Variants in IGF2BP2 observed in about 807,000 individuals in gnomAD.
IGF2BP2 encodes insulin-like growth factor 2 mRNA-binding protein 2.
A neutral mutation model predicts 75.8 loss-of-function variants in IGF2BP2; 17 were observed. The observed-to-expected ratio is 0.22, with a 90% confidence interval of 0.15 to 0.34. The LOEUF is 0.34. IGF2BP2 is among the 10% of genes least tolerant of loss of function. The probability of loss-of-function intolerance (pLI) is 1.00; values close to 1 mark genes in which losing one functional copy is unlikely to be tolerated. For synonymous variants in IGF2BP2, 288 were observed against 295.6 expected, an observed-to-expected ratio of 0.97 and a Z score of 0.26; for missense variants, 516 against 772.4, an observed-to-expected ratio of 0.67 and a Z score of 3.93.
chr3:185,707,392 C>T (rs1724199046), intron 2 of IGF2BP2, among the ~76,000 whole-genome samples: 2 of 134,040 alleles, frequency 1.5e-5, no homozygotes, highest in Admixed American at 1.7e-4. Flanking sequence ...ATCACAACTT[C>T]CCGCCTCCCA....
rs557362898 is a variant in IGF2BP2, at chr3:185,820,835, T to C, written c.239+2318A>G. On this transcript the variant is annotated intron_variant, in intron 2 of 15. Coordinates refer to ENST00000382199, the MANE Select transcript of IGF2BP2 (RefSeq NM_006548.6). ...GAATGATTTTTAAGTAAGCAAGCAA[T>C]GAGGATGAACTATTTTCTTCCCATT... 3.3e-5 allele frequency among the ~76,000 whole-genome samples: 5 copies of C among 152,308 alleles called. No individual in the cohort carries two copies. The South Asian group carries it at 1.0e-3, about 32-fold the overall frequency.
chr3:185,687,168 T>A lies in IGF2BP2; in HGVS notation c.701A>T (p.Asn234Ile). 1 of 1,611,912 alleles carries A rather than the reference T, an allele frequency of 6.2e-7. No individual in the cohort carries two copies. Among genetic ancestry groups the A allele is most frequent in the Non-Finnish European group, 8.5e-7 (1 of 1,179,524 alleles). The part of the protein sequence containing the change: ...QSRVDIHRKE[N>I]SGAAEKPVTI... ...GACAGGCTTCTCTGCAGCTCCAGAG[T>A]TCTCTTTTCTATGGATATCTACCCT... The change falls in exon 7 of 16, where the codon AAC (asparagine) becomes ATC (isoleucine). Residue 234 changes from asparagine (N) to isoleucine (I), a missense_variant. By Grantham distance (149) the Asn-to-Ile change is moderately radical. Coordinates refer to ENST00000382199, the MANE Select transcript of IGF2BP2 (RefSeq NM_006548.6).
At chr3:185,760,394 T>C (rs1732199026) in intron 2 of IGF2BP2, among the ~76,000 whole-genome samples, 1 of 152,210 alleles carries the variant, frequency 6.6e-6, no homozygotes, top group Admixed American at 6.5e-5. Context: ...TTTATTGAGA[T>C]GTAATTCACA....
intron 2 of IGF2BP2, among the ~76,000 whole-genome samples, chr3:185,760,572 CT>C (rs1161141135): frequency 6.6e-6 from 1 of 152,238 alleles, no homozygotes; most frequent in African/African-American, 2.4e-5. Context: ...TTCCCGGCCC[CT>C]GGCAACCACC....
At chr3:185,733,187 C>T (rs1001655609) in intron 2 of IGF2BP2, among the ~76,000 whole-genome samples, 1 of 152,178 alleles carries the variant, frequency 6.6e-6, no homozygotes, top group Non-Finnish European at 1.5e-5. Flanking sequence ...ATCATCTATT[C>T]TCATTCTTAT....
At chr3:185,670,480 A>G (rs1718343898) in intron 10 of IGF2BP2, among the ~76,000 whole-genome samples, 1 of 152,184 alleles carries the variant, frequency 6.6e-6, no homozygotes, top group African/African-American at 2.4e-5. Context: ...GTCCCCTAAA[A>G]AACTTTATTA....
chr3:185,658,720 A>G (rs1294561403), intron 10 of IGF2BP2, among the ~76,000 whole-genome samples: 1 of 152,156 alleles, frequency 6.6e-6, no homozygotes, highest in African/African-American at 2.4e-5. Context: ...ATACACACAT[A>G]CACCCACTGG....
intron 10 of IGF2BP2, among the ~76,000 whole-genome samples, chr3:185,670,620 G>C (rs1718363943): frequency 6.6e-6 from 1 of 152,134 alleles, no homozygotes; most frequent in Non-Finnish European, 1.5e-5. Flanking sequence ...CCAGGCTGGA[G>C]TGCAGTGCCA....
chr3:185,800,994 G>A (rs551443520), intron 2 of IGF2BP2, among the ~76,000 whole-genome samples: 3 of 148,160 alleles, frequency 2.0e-5, no homozygotes, highest in African/African-American at 7.4e-5. Flanking sequence ...AATCTACAAG[G>A]AACTTAAACA....
chr3:185,715,452 G>A (rs1022431708), intron 2 of IGF2BP2, among the ~76,000 whole-genome samples: 1 of 152,168 alleles, frequency 6.6e-6, no homozygotes, highest in Non-Finnish European at 1.5e-5. Context: ...CCGGGAGGCA[G>A]GTAAGCACAG....
At chr3:185,800,474 C>T (rs1409479058) in intron 2 of IGF2BP2, among the ~76,000 whole-genome samples, 1 of 152,124 alleles carries the variant, frequency 6.6e-6, no homozygotes, top group Non-Finnish European at 1.5e-5. Context: ...TGTCGTGGCT[C>T]ACACCTGTAA....
chr3:185,687,292 C>G, intron 6 of IGF2BP2, 101 bp from the exon 7 acceptor site: 1 of 1,268,632 alleles, frequency 7.9e-7, no homozygotes, highest in Non-Finnish European at 1.1e-6. Flanking sequence ...AGGACACAGA[C>G]AGACAAGGAG....
chr3:185,800,236 T>C lies in IGF2BP2; in HGVS notation c.239+22917A>G, dbSNP rs1003600456. On this transcript the variant is annotated intron_variant, in intron 2 of 15. Transcript: ENST00000382199. ...GGTGGGAAATGAACAATGAGAACACTTGGACACAAAGCGGGGAACGTCATA... is the reference window on the plus strand; with the variant it reads ...GGTGGGAAATGAACAATGAGAACACCTGGACACAAAGCGGGGAACGTCATA... Among the ~76,000 whole-genome samples the C allele has an allele frequency of 2.0e-5, 3 of 152,052 alleles. No individual in the cohort carries two copies. The South Asian group carries it at 6.3e-4, about 32-fold the overall frequency.
At chr3:185,796,692 G>C (rs2149901795) in intron 2 of IGF2BP2, among the ~76,000 whole-genome samples, 1 of 148,312 alleles carries the variant, frequency 6.7e-6, no homozygotes, top group South Asian at 2.2e-4. Flanking sequence ...ACATTTATTT[G>C]TTAATTGCTT....
intron 2 of IGF2BP2, among the ~76,000 whole-genome samples, chr3:185,807,062 A>T (rs938988170): frequency 3.3e-5 from 5 of 152,170 alleles, no homozygotes; most frequent in African/African-American, 1.2e-4. Flanking sequence ...CCTCACCCAG[A>T]TACAAAAATA....
intron 2 of IGF2BP2, among the ~76,000 whole-genome samples, chr3:185,795,850 C>T (rs1737300682): frequency 6.6e-6 from 1 of 152,072 alleles, no homozygotes; most frequent in Admixed American, 6.6e-5. Context: ...CACACCACTA[C>T]ACTCCAGGCT....
intron 2 of IGF2BP2, among the ~76,000 whole-genome samples, chr3:185,819,918 G>A (rs1036822068): frequency 1.3e-5 from 2 of 151,888 alleles, no homozygotes; most frequent in African/African-American, 4.8e-5. Flanking sequence ...ATACAATTGA[G>A]ATACTGTTTT....
At chr3:185,725,536 A>G (rs1016976397) in intron 2 of IGF2BP2, among the ~76,000 whole-genome samples, 1 of 152,174 alleles carries the variant, frequency 6.6e-6, no homozygotes, top group African/African-American at 2.4e-5. Flanking sequence ...AACTTGACAT[A>G]ATTAGGTTCA....
At chr3:185,697,886 G>T (rs972891070) in intron 3 of IGF2BP2, among the ~76,000 whole-genome samples, 1 of 152,132 alleles carries the variant, frequency 6.6e-6, no homozygotes, top group Non-Finnish European at 1.5e-5. Context: ...GGAGGCTGGG[G>T]TGGGAAGATG....
Sources: allele counts gnomAD v4.1 joint callset (sites outside exome capture counted in the v4.1 genomes callset), GRCh38; gene constraint gnomAD v4.1.1; transcripts MANE v1.5; gene names NCBI Gene and HGNC (gene_info 2026-07-23, HGNC 2026-07-21).